Variants in PHIP observed in about 807,000 individuals in gnomAD.
PHIP encodes the protein PH-interacting protein.
Under a neutral mutation model 236.8 loss-of-function variants are expected in PHIP, and 54 were observed. The observed-to-expected ratio is 0.23, with a 90% confidence interval of 0.18 to 0.29. The LOEUF is 0.29. Ranked by LOEUF, PHIP falls within the 10% of genes least tolerant of loss-of-function variation. PHIP has a pLI of 1.00. For synonymous variants in PHIP, 756 were observed against 718.9 expected (o/e 1.05, Z -0.83); for missense variants, 1,370 against 2,190.8 (o/e 0.63, Z 7.48).
intron 4 of PHIP, among the ~76,000 whole-genome samples, chr6:79,069,949 T>G (rs957349483): frequency 6.6e-6 from 1 of 151,922 alleles, no homozygotes; most frequent in Admixed American, 6.6e-5. Context: ...CAACACAAAT[T>G]TGTCATTTAA....
intron 10 of PHIP, among the ~76,000 whole-genome samples, chr6:79,018,159 G>C (rs1215669285): frequency 6.6e-6 from 1 of 151,766 alleles, no homozygotes; most frequent in Non-Finnish European, 1.5e-5. Flanking sequence ...AAATATTTAA[G>C]TACTTTTGCT....
At chr6:78,995,829 C>G (rs1421230592) in intron 19 of PHIP, among the ~76,000 whole-genome samples, 2 of 152,064 alleles carry the variant, frequency 1.3e-5, no homozygotes, top group African/African-American at 4.8e-5. Context: ...TTTCAGAGAG[C>G]CTTTTTAAAA....
intron 21 of PHIP, 84 bp downstream of exon 21, chr6:78,988,123 CAT>C: frequency 1.0e-6 from 1 of 979,510 alleles, no homozygotes; most frequent in Admixed American, 2.8e-5. Context: ...CATCTACAAA[CAT>C]ATCAATAAAT....
At chr6:79,041,108 C>T (rs1047705874) in intron 7 of PHIP, among the ~76,000 whole-genome samples, 14 of 152,108 alleles carry the variant, frequency 9.2e-5, no homozygotes, top group African/African-American at 3.4e-4. Flanking sequence ...GCTTTGCAGG[C>T]CATATGTTCT....
intron 3 of PHIP, 64 bp from the exon 4 acceptor site, chr6:79,077,571 G>A: frequency 1.6e-6 from 1 of 624,400 alleles, no homozygotes. Context: ...CCCCTCCCCC[G>A]CCCGCCCCGC....
At chr6:78,989,371 A>G (rs375067535) in intron 20 of PHIP, among the ~76,000 whole-genome samples, 3 of 152,244 alleles carry the variant, frequency 2.0e-5, no homozygotes, top group South Asian at 4.1e-4. Flanking sequence ...GCAGTCAGCT[A>G]GGACTGTCCC....
intron 15 of PHIP, 36 bp from the exon 16 acceptor site, chr6:79,003,894 A>G (rs1332479424): frequency 6.9e-7 from 1 of 1,453,098 alleles, no homozygotes; most frequent in East Asian, 2.4e-5. Context: ...GAAAACTACC[A>G]TTAAAATGAA....
At position 79,078,233 on chromosome 6, in the gene PHIP, C is replaced by A. The variant is rs762990893; in HGVS notation, c.-165G>T. On this transcript the variant is annotated 5_prime_UTR_variant, in exon 1 of 40. Coordinates refer to ENST00000275034, the MANE Select transcript of PHIP (RefSeq NM_017934.7). ...GAGGCGGAGGAGGAGGAGGAGGAAACAACAACTCTCAGGCAGCGACTACGG... is the reference window on the plus strand; with the variant it reads ...GAGGCGGAGGAGGAGGAGGAGGAAAAAACAACTCTCAGGCAGCGACTACGG... 1.6e-6 allele frequency: 1 copy of A among 632,972 alleles called. No homozygotes were observed. Among genetic ancestry groups the A allele is most frequent in the Non-Finnish European group, 2.7e-6 (1 of 365,410 alleles). 39.2% of individuals were successfully genotyped at this position (632,972 alleles called of 1,614,324 possible). A position where few individuals can be genotyped will look rare whatever the true frequency, so the allele number is the denominator to read the frequency against.
In PHIP at chr6:79,078,204, G is replaced by A. The variant is rs1774293587; in HGVS notation, c.-136C>T. 2.6e-6 allele frequency: 2 copies of A among 771,202 alleles called. No individual in the cohort carries two copies. The highest frequency in any genetic ancestry group is 4.2e-6 in the Non-Finnish European group (2 of 474,460). The allele number at this position is 771,202 out of a possible 1,614,324, so 47.8% of individuals were successfully genotyped here. Reference sequence around the variant, plus strand: ...TCGGCTCCACCATTCAAGCAACGGCGGCGGAGGCGGAGGAGGAGGAGGAGG... The same window carrying A: ...TCGGCTCCACCATTCAAGCAACGGCAGCGGAGGCGGAGGAGGAGGAGGAGG... On this transcript the variant is annotated 5_prime_UTR_variant, in exon 1 of 40. Coordinates refer to ENST00000275034, the MANE Select transcript of PHIP (RefSeq NM_017934.7).
intron 30 of PHIP, 24 bp from the exon 31 acceptor site, chr6:78,961,834 A>G: frequency 6.4e-7 from 1 of 1,565,882 alleles, no homozygotes; most frequent in Non-Finnish European, 8.7e-7. Context: ...ATAAGTTTGT[A>G]AATTTATTTT....
intron 4 of PHIP, among the ~76,000 whole-genome samples, chr6:79,061,808 C>T (rs971676457): frequency 2.0e-5 from 3 of 152,086 alleles, no homozygotes; most frequent in African/African-American, 7.2e-5. Context: ...GTAATGGCAA[C>T]TTTAACATGA....
At chr6:79,029,872 A>T (rs181495788) in intron 7 of PHIP, among the ~76,000 whole-genome samples, 180 of 152,302 alleles carry the variant, frequency 1.2e-3, no homozygotes, top group Admixed American at 8.8e-3. Flanking sequence ...TGATTATTTT[A>T]AAAAAGACCA....
intron 24 of PHIP, among the ~76,000 whole-genome samples, chr6:78,977,954 A>G (rs1768229840): frequency 6.6e-6 from 1 of 152,070 alleles, no homozygotes; most frequent in Non-Finnish European, 1.5e-5. Flanking sequence ...CAATTTATTT[A>G]TGGTCAATCT....
At chr6:78,957,760 G>GC (rs1357443544) in intron 32 of PHIP, 2 of 151,864 alleles carry the variant, frequency 1.3e-5, no homozygotes, top group Admixed American at 6.6e-5. Flanking sequence ...TCATTTCTCT[G>GC]CCTTCAACTT....
At chr6:79,010,861 C>T (rs1016416878) in intron 15 of PHIP, among the ~76,000 whole-genome samples, 4 of 151,878 alleles carry the variant, frequency 2.6e-5, no homozygotes, top group East Asian at 3.9e-4. Flanking sequence ...TAGTTAAACT[C>T]GTAGTTAAAA....
intron 29 of PHIP, among the ~76,000 whole-genome samples, chr6:78,963,680 G>C (rs914340039): frequency 2.0e-5 from 3 of 152,180 alleles, no homozygotes; most frequent in Non-Finnish European, 2.9e-5. Flanking sequence ...GGAACAGAGA[G>C]AATTATGAAA....
At chr6:78,989,957 T>C (rs1191992158) in intron 20 of PHIP, among the ~76,000 whole-genome samples, 1 of 152,076 alleles carries the variant, frequency 6.6e-6, no homozygotes, top group Non-Finnish European at 1.5e-5. Flanking sequence ...GTCCTACTGA[T>C]CCCAGGGTAT....
At chr6:79,018,683 TAA>T (rs1278479356) in intron 10 of PHIP, among the ~76,000 whole-genome samples, 2 of 151,958 alleles carry the variant, frequency 1.3e-5, no homozygotes, top group Non-Finnish European at 2.9e-5. Context: ...AATTAACTGA[TAA>T]AGATGTACAA....
At chr6:78,942,680 A>T (rs1359568988) in intron 39 of PHIP, among the ~76,000 whole-genome samples, 1 of 152,230 alleles carries the variant, frequency 6.6e-6, no homozygotes, top group Admixed American at 6.5e-5. Flanking sequence ...ACTGACATTT[A>T]AACTGCCCAG....
Sources: gnomAD v4.1 joint callset for allele counts (sites outside exome capture counted in the v4.1 genomes callset) on GRCh38, gnomAD v4.1.1 for gene constraint, MANE v1.5 for transcripts, NCBI Gene and HGNC (gene_info 2026-07-23, HGNC 2026-07-21) for gene names.